Variants in UBE3C observed in about 807,000 individuals in gnomAD.
The protein encoded by UBE3C is ubiquitin protein ligase E3C.
UBE3C carries 42 observed loss-of-function variants against 129.4 expected under a neutral mutation model. That is an observed-to-expected ratio of 0.32 (90% CI 0.25 to 0.42). The LOEUF is 0.42. UBE3C is among the 10% of genes least tolerant of loss of function. UBE3C has a pLI of 1.00. For synonymous variants in UBE3C, 510 were observed against 492.4 expected (o/e 1.04, Z -0.47); for missense variants, 1,049 against 1,319.1 (o/e 0.80, Z 3.17).
chr7:157,209,876 G>T (rs776018580), intron 13 of UBE3C, among the ~76,000 whole-genome samples: 2 of 152,170 alleles, frequency 1.3e-5, no homozygotes, highest in Non-Finnish European at 2.9e-5. Context: ...ATTCATCATT[G>T]AAAGTTTTAA....
chr7:157,211,167 G>GGAGA lies in UBE3C; in HGVS notation c.1809+3256_1809+3259dup, dbSNP rs3039783. Among the ~76,000 whole-genome samples, 260 of 137,156 alleles carry GGAGA rather than the reference G, an allele frequency of 1.9e-3. 3 individuals are homozygous for GGAGA. Among genetic ancestry groups the GGAGA allele is most frequent in the African/African-American group, 3.8e-3 (130 of 34,178 alleles). The allele number at this position is 137,156 out of a possible 152,430, so 90.0% of individuals were successfully genotyped here. On this transcript the variant is annotated intron_variant, in intron 13 of 22. Coordinates refer to ENST00000348165, the MANE Select transcript of UBE3C (RefSeq NM_014671.3). ...CCATGCCCTCATTATCCATATGTCT[G>GGAGA]GAGAGAGAGAGAGAGAGAGAGAGAG...
chr7:157,207,702 G>A lies in UBE3C; in HGVS notation c.1577-1G>A, dbSNP rs1412730424. On this transcript the variant is annotated splice_acceptor_variant, in intron 12 of 22. Transcript: ENST00000348165. LOFTEE classifies it high-confidence loss of function. ...ATAGAAAACTGGATTGTGTTTTTTA[G>A]TTGTAGGTCAAAGACAATCATCAAT... 2 of 1,610,206 alleles carry A rather than the reference G, an allele frequency of 1.2e-6. No homozygotes were observed. Among genetic ancestry groups the A allele is most frequent in the South Asian group, 1.1e-5 (1 of 90,000 alleles).
intron 1 of UBE3C, among the ~76,000 whole-genome samples, chr7:157,142,650 T>C (rs1244580239): frequency 6.6e-6 from 1 of 151,836 alleles, no homozygotes; most frequent in Non-Finnish European, 1.5e-5. Context: ...TGATTACACA[T>C]GGACATAAAG....
At chr7:157,262,698 G>A (rs923817006) in intron 22 of UBE3C, among the ~76,000 whole-genome samples, 1 of 152,114 alleles carries the variant, frequency 6.6e-6, no homozygotes, top group Non-Finnish European at 1.5e-5. Context: ...TGGGATTACA[G>A]GCATGAGCCA....
At chr7:157,161,149 TAA>T (rs1808057814) in intron 1 of UBE3C, among the ~76,000 whole-genome samples, 1 of 152,196 alleles carries the variant, frequency 6.6e-6, no homozygotes, top group African/African-American at 2.4e-5. Context: ...GATTTCTAAT[TAA>T]GTTTGTAGAT....
chr7:157,192,317 G>T, intron 10 of UBE3C: 1 of 510,562 alleles, frequency 2.0e-6, no homozygotes, highest in African/African-American at 2.0e-5. Flanking sequence ...GAAATAGTAA[G>T]AGAAGGGGCT....
rs759975838 is a variant in UBE3C, at chr7:157,223,278, CTG to C, written c.2031_2032del (p.Ser678Ter). On this transcript the variant is annotated frameshift_variant, in exon 16 of 23. Coordinates refer to ENST00000348165, the MANE Select transcript of UBE3C (RefSeq NM_014671.3). LOFTEE classifies it high-confidence loss of function. ...GTGGGTTTGGAGTCCCCGCCGCTGT[CTG>C]TGTCTGAGGAAAGACAGCTTGCTGT... is the stretch of plus-strand genomic sequence containing the variant. 6.2e-7 allele frequency: 1 copy of C among 1,614,186 alleles called. No individual in the cohort carries two copies. Among genetic ancestry groups the C allele is most frequent in the East Asian group, 2.2e-5 (1 of 44,884 alleles).
At chr7:157,209,963 G>A (rs1160285122) in intron 13 of UBE3C, among the ~76,000 whole-genome samples, 6 of 152,162 alleles carry the variant, frequency 3.9e-5, no homozygotes, top group African/African-American at 1.4e-4. Flanking sequence ...GGTGGATCAC[G>A]AGGTCAGGAG....
intron 17 of UBE3C, among the ~76,000 whole-genome samples, chr7:157,229,812 A>G (rs1454116329): frequency 6.7e-6 from 1 of 150,358 alleles, no homozygotes; most frequent in Non-Finnish European, 1.5e-5. Context: ...GGGTCTTGCT[A>G]GTGTTGCCCA....
intron 18 of UBE3C, among the ~76,000 whole-genome samples, chr7:157,236,163 G>A (rs544379900): frequency 7.2e-5 from 11 of 152,266 alleles, no homozygotes; most frequent in African/African-American, 2.4e-4. Context: ...GGTCATGATT[G>A]CATTTTGTCG....
At chr7:157,173,766 A>G (rs952917446) in intron 4 of UBE3C, among the ~76,000 whole-genome samples, 2 of 152,198 alleles carry the variant, frequency 1.3e-5, no homozygotes, top group African/African-American at 4.8e-5. Context: ...AGGACGAACT[A>G]CATGTCAGAT....
chr7:157,231,015 G>T (rs930105046), intron 17 of UBE3C, 65 bp from the exon 18 acceptor site: 81 of 1,588,826 alleles, frequency 5.1e-5, no homozygotes, highest in Middle Eastern at 4.5e-4. Flanking sequence ...TTCCTGTAAG[G>T]CTAGTTGATG....
chr7:157,235,081 C>T (rs1459286835), intron 18 of UBE3C, among the ~76,000 whole-genome samples: 1 of 152,172 alleles, frequency 6.6e-6, no homozygotes, highest in Non-Finnish European at 1.5e-5. Flanking sequence ...ATCCCAGCTA[C>T]TCCAGAGGCT....
Position 157,175,007 on chromosome 7 carries a change from T to C in UBE3C, c.431T>C (p.Ile144Thr), listed in dbSNP as rs1465647346. 2 of 1,612,100 alleles carry C rather than the reference T, an allele frequency of 1.2e-6. No homozygotes were observed. The highest frequency in any genetic ancestry group is 1.3e-5 in the African/African-American group (1 of 74,982). ...GSERLTCLFQ[I>T]KRLMSLCCRL... is the part of the protein sequence containing the mutation. ...GAGAGACTTACATGCTTATTTCAGATAAAAAGATTGATGAGCCTCTGTTGC... is the reference window on the plus strand; with the variant it reads ...GAGAGACTTACATGCTTATTTCAGACAAAAAGATTGATGAGCCTCTGTTGC... The change falls in exon 5 of 23, where the codon ATA (isoleucine) becomes ACA (threonine). Residue 144 changes from isoleucine to threonine, a missense_variant. Transcript: ENST00000348165.
At chr7:157,151,304 C>A (rs3802132) in intron 1 of UBE3C, among the ~76,000 whole-genome samples, 2 of 152,228 alleles carry the variant, frequency 1.3e-5, no homozygotes, top group Non-Finnish European at 2.9e-5. Context: ...TTACCTCTTA[C>A]CTTCTGTATC....
At chr7:157,256,654 C>G (rs1796760616) in intron 21 of UBE3C, 1 of 336,364 alleles carries the variant, frequency 3.0e-6, no homozygotes, top group African/African-American at 2.1e-5. Flanking sequence ...ATGGTTGTGT[C>G]TGCACTGAAT....
At chr7:157,254,338 C>A in intron 21 of UBE3C, 28 bp downstream of exon 21, 1 of 1,373,132 alleles carries the variant, frequency 7.3e-7, no homozygotes, top group Non-Finnish European at 9.6e-7. Context: ...GTTATTGTTT[C>A]TGAAAATGTT....
chr7:157,231,442 T>C, intron 18 of UBE3C, 115 bp downstream of exon 18: 1 of 1,473,648 alleles, frequency 6.8e-7, no homozygotes, highest in East Asian at 2.3e-5. Flanking sequence ...TAAATTTGGA[T>C]GCTAAATGTT....
chr7:157,159,496 C>T (rs968784423), intron 1 of UBE3C, among the ~76,000 whole-genome samples: 1 of 152,108 alleles, frequency 6.6e-6, no homozygotes, highest in African/African-American at 2.4e-5. Context: ...TTTCTTGAAG[C>T]AAAAGTTTGT....
Sources: allele counts gnomAD v4.1 joint callset (sites outside exome capture counted in the v4.1 genomes callset), GRCh38; gene constraint gnomAD v4.1.1; transcripts MANE v1.5; gene names NCBI Gene and HGNC (gene_info 2026-07-23, HGNC 2026-07-21).